Variants in SNX19 observed in about 807,000 individuals in gnomAD.
SNX19 encodes sorting nexin-19.
In SNX19, 60 loss-of-function variants were observed where a neutral mutation model predicts 85.2. The ratio of observed to expected loss-of-function variants is 0.70; its 90% CI spans 0.57 to 0.87. The LOEUF (loss-of-function observed/expected upper bound fraction) is 0.87, where lower values mean the gene tolerates loss of function less well. Among genes scored for constraint, SNX19 ranks in the 40% least tolerant of loss-of-function variants. SNX19 has a pLI of 0.00. For missense variants in SNX19, 1,201 were observed against 1,217.8 expected, an observed-to-expected ratio of 0.99 and a Z score of 0.21; for synonymous variants, 520 against 470.0, an observed-to-expected ratio of 1.11 and a Z score of -1.38.
intron 7 of SNX19, among the ~76,000 whole-genome samples, chr11:130,904,785 T>G (rs974094689): frequency 1.3e-5 from 2 of 151,932 alleles, no homozygotes; most frequent in African/African-American, 4.8e-5. Flanking sequence ...TCTAGAGATA[T>G]GATGTTCAAC....
chr11:130,916,213 C>A lies in SNX19; in HGVS notation c.-274G>T. On this transcript the variant is annotated 5_prime_UTR_variant, in exon 1 of 11. Transcript: ENST00000265909. ...AAACTCTGTGGCCTTCACACTGCCC[C>A]AGGCGGAAGGCCTCTTCGGGGCCTC... 1 of 457,234 alleles carries A rather than the reference C, an allele frequency of 2.2e-6. No homozygotes were observed. The allele number at this position is 457,234 out of a possible 1,614,324, so 28.3% of individuals were successfully genotyped here. A position where few individuals can be genotyped will look rare whatever the true frequency, so the allele number is the denominator to read the frequency against.
chr11:130,893,773 G>A (rs957032980), intron 8 of SNX19: 3 of 702,114 alleles, frequency 4.3e-6, no homozygotes, highest in Non-Finnish European at 7.8e-6. Flanking sequence ...CCTTGATGCT[G>A]CATTTGCACA....
Position 130,880,644 on chromosome 11 carries a change from C to G in SNX19, c.2736G>C (p.Gln912His). The G allele has an allele frequency of 6.2e-7, 1 of 1,604,588 alleles. No homozygotes were observed. The highest frequency in any genetic ancestry group is 8.5e-7 in the Non-Finnish European group (1 of 1,172,498). Reference sequence around the variant, plus strand: ...TACCTGGGAGGACTCCCATCAGGCTCTGCAAAGCCTGTTTCTCAGCAGCCA... The same window carrying G: ...TACCTGGGAGGACTCCCATCAGGCTGTGCAAAGCCTGTTTCTCAGCAGCCA... ...QKLAAEKQALQSLMGVLPDLV... is the reference protein window; with the variant it reads ...QKLAAEKQALHSLMGVLPDLV... The change falls in exon 9 of 11, where the codon CAG becomes CAC. Residue 912 changes from glutamine to histidine, a missense_variant. Around this residue, in one of 3 missense-constraint regions of SNX19, gnomAD observed 285 missense variants for 295.3 expected, o/e 0.97. Transcript: ENST00000265909.
At chr11:130,897,225 CCTTT>C (rs1210022524) in intron 8 of SNX19, among the ~76,000 whole-genome samples, 2 of 152,020 alleles carry the variant, frequency 1.3e-5, no homozygotes, top group Admixed American at 6.5e-5. Flanking sequence ...ACCTGCACAC[CCTTT>C]CTTTTCTTCT....
intron 2 of SNX19, among the ~76,000 whole-genome samples, chr11:130,911,251 G>C (rs1227671242): frequency 6.8e-6 from 1 of 147,888 alleles, no homozygotes; most frequent in African/African-American, 2.5e-5. Context: ...GCACACAAAA[G>C]ATCTGGGTGT....
chr11:130,902,600 T>A (rs1057132815), intron 8 of SNX19, among the ~76,000 whole-genome samples: 4 of 152,162 alleles, frequency 2.6e-5, no homozygotes, highest in African/African-American at 9.7e-5. Flanking sequence ...AGAGAGTGTT[T>A]CTGGCCTACT....
rs1250017047 is a variant in SNX19 at position 130,869,925 on chromosome 11, T to G, written c.*8497A>C. ...GCTGATATAGAAAAAAAAAAAGGAATAAAGAAAAAGCAATTGTGAAGTTCC... is the reference window on the plus strand; with the variant it reads ...GCTGATATAGAAAAAAAAAAAGGAAGAAAGAAAAAGCAATTGTGAAGTTCC... On this transcript the variant is annotated 3_prime_UTR_variant, in exon 11 of 11. Transcript: ENST00000265909. The G allele has an allele frequency of 2.0e-5, 3 of 148,016 alleles. No homozygotes were observed. The highest frequency in any genetic ancestry group is 7.8e-5 in the African/African-American group (3 of 38,492). 9.2% of individuals were successfully genotyped at this position (148,016 alleles called of 1,614,324 possible). A position where few individuals can be genotyped will look rare whatever the true frequency, so the allele number is the denominator to read the frequency against.
Position 130,915,181 on chromosome 11 carries a change from C to T in SNX19, c.759G>A (p.Arg253=), listed in dbSNP as rs1480255037. Residue 253 remains arginine (R), a synonymous_variant, in exon 1 of 11, where the codon AGG becomes AGA. Transcript: ENST00000265909. ...TCNVILPLIS[R]LSDPDWIHLV... is the part of the protein sequence containing the mutation. ...GGTGGATCCAGTCAGGATCTGACAG[C>T]CTGCTGATCAGTGGTAAGATTACAT... is the stretch of plus-strand genomic sequence containing the variant. 6.2e-7 allele frequency: 1 copy of T among 1,614,210 alleles called. No individual in the cohort carries two copies. Among genetic ancestry groups the T allele is most frequent in the Non-Finnish European group, 8.5e-7 (1 of 1,180,038 alleles).
At chr11:130,905,145 T>C (rs113804149) in intron 7 of SNX19, among the ~76,000 whole-genome samples, 20 of 152,240 alleles carry the variant, frequency 1.3e-4, no homozygotes, top group Non-Finnish European at 1.5e-4. Context: ...TCAGTAACCA[T>C]ACTGATTAAT....
chr11:130,903,169 G>A, intron 8 of SNX19, 86 bp downstream of exon 8: 2 of 1,558,614 alleles, frequency 1.3e-6, no homozygotes, highest in South Asian at 1.2e-5. Flanking sequence ...TCTTACGGCT[G>A]CAGATTCCCT....
chr11:130,903,456 G>A, intron 7 of SNX19, 72 bp from the exon 8 acceptor site: 2 of 1,524,864 alleles, frequency 1.3e-6, no homozygotes, highest in East Asian at 2.3e-5. Context: ...CAAGGTACTG[G>A]TGGCACCTGT....
chr11:130,911,438 A>G, intron 2 of SNX19, 195 bp downstream of exon 2: 3 of 1,393,378 alleles, frequency 2.2e-6, no homozygotes, highest in Non-Finnish European at 2.8e-6. Flanking sequence ...AGCAGTTGGC[A>G]GTAAAGGACT....
rs1261905926 is a variant in SNX19 at position 130,916,381 on chromosome 11, C to T, written c.-442G>A. ...TGAAGTGGACTCATCGCGGTCCTCT[C>T]CGGGAGCCTCGGCCCTCTGCCGCCG... is the stretch of plus-strand genomic sequence containing the variant. On this transcript the variant is annotated 5_prime_UTR_variant, in exon 1 of 11. Coordinates refer to ENST00000265909, the MANE Select transcript of SNX19 (RefSeq NM_014758.3). 2 of 159,874 alleles carry T rather than the reference C, an allele frequency of 1.3e-5. No homozygotes were observed. Among genetic ancestry groups the T allele is most frequent in the Non-Finnish European group, 2.8e-5 (2 of 72,446 alleles). The allele number at this position is 159,874 out of a possible 1,614,324, so 9.9% of individuals were successfully genotyped here.
At position 130,866,518 on chromosome 11, in the gene SNX19, T is replaced by G. The variant is rs1942770427; in HGVS notation, c.*11904A>C. On this transcript the variant is annotated 3_prime_UTR_variant, in exon 11 of 11. Coordinates refer to ENST00000265909, the MANE Select transcript of SNX19 (RefSeq NM_014758.3). ...ACCCAATCAAGCCCTTTTACCTCCT[T>G]AAGATGGCAGATTAGAAGACCCTCT... 1 of 152,192 alleles carries G rather than the reference T, an allele frequency of 6.6e-6. No homozygotes were observed. Among genetic ancestry groups the G allele is most frequent in the Admixed American group, 6.5e-5 (1 of 15,284 alleles). The allele number at this position is 152,192 out of a possible 1,614,324, so 9.4% of individuals were successfully genotyped here. A position where few individuals can be genotyped will look rare whatever the true frequency, so the allele number is the denominator to read the frequency against.
Position 130,903,012 on chromosome 11 carries a change from A to G in SNX19, c.2573+243T>C, listed in dbSNP as rs113807292. On this transcript the variant is annotated intron_variant, in intron 8 of 10. Transcript: ENST00000265909. ...GTTCAGCTAAGTATTTTAGGATCAC[A>G]CACAGTGTCTGCAACTCAGTACATT... is the stretch of plus-strand genomic sequence containing the variant. 5.3e-4 allele frequency: 229 copies of G among 432,624 alleles called. 1 individual carries two copies. Among genetic ancestry groups the G allele is most frequent in the African/African-American group, 1.7e-3 (84 of 49,550 alleles). 26.8% of individuals were successfully genotyped at this position (432,624 alleles called of 1,614,324 possible). A position where few individuals can be genotyped will look rare whatever the true frequency, so the allele number is the denominator to read the frequency against.
At chr11:130,912,769 G>A (rs1225075636) in intron 1 of SNX19, among the ~76,000 whole-genome samples, 3 of 152,148 alleles carry the variant, frequency 2.0e-5, no homozygotes, top group East Asian at 3.9e-4. Flanking sequence ...CATTCAGGGT[G>A]GGGCTCTCAA....
At chr11:130,903,681 A>ATG (rs1307447163) in intron 7 of SNX19, among the ~76,000 whole-genome samples, 1 of 147,588 alleles carries the variant, frequency 6.8e-6, no homozygotes, top group Non-Finnish European at 1.5e-5. Flanking sequence ...AAATATATAT[A>ATG]TGTGTGTATA....
intron 8 of SNX19, chr11:130,901,777 C>G (rs1360134256): frequency 6.6e-6 from 1 of 152,126 alleles, no homozygotes; most frequent in Non-Finnish European, 1.5e-5. Flanking sequence ...GTGGTTGGGT[C>G]ATGGTCCACT....
intron 8 of SNX19, among the ~76,000 whole-genome samples, chr11:130,887,380 A>G (rs1944165871): frequency 6.6e-6 from 1 of 152,214 alleles, no homozygotes; most frequent in Non-Finnish European, 1.5e-5. Context: ...AGTGGCTTAT[A>G]AGAACATACA....
Sources: gnomAD v4.1 joint callset for allele counts (sites outside exome capture counted in the v4.1 genomes callset) on GRCh38, gnomAD v4.1.1 for gene constraint, gnomAD v4.1.1 regional missense constraint, MANE v1.5 for transcripts, NCBI Gene and HGNC (gene_info 2026-07-23, HGNC 2026-07-21) for gene names.